CNTN5: variants seen among roughly 807,000 people sequenced by gnomAD.
CNTN5 encodes the protein contactin 5, also known as contactin-5.
Under a neutral mutation model 129.1 loss-of-function variants are expected in CNTN5, and 77 were observed. The observed-to-expected ratio is 0.60, with a 90% CI of 0.50 to 0.72. CNTN5 has a LOEUF of 0.72. Among genes scored for constraint, CNTN5 ranks in the 30% least tolerant of loss-of-function variants. The pLI is 0.00. For synonymous variants in CNTN5, 509 were observed against 465.6 expected, an observed-to-expected ratio of 1.09 and a Z score of -1.20; for missense variants, 1,478 against 1,328.8, an observed-to-expected ratio of 1.11 and a Z score of -1.75.
intron 1 of CNTN5, among the ~76,000 whole-genome samples, chr11:99,297,572 C>G (rs1738761367): frequency 6.6e-6 from 1 of 152,162 alleles, no homozygotes; most frequent in Non-Finnish European, 1.5e-5. Context: ...TTGGAACATT[C>G]CACTGTAAGT....
chr11:99,850,164 T>A (rs1013991890), intron 6 of CNTN5, among the ~76,000 whole-genome samples: 2 of 152,130 alleles, frequency 1.3e-5, no homozygotes, highest in Admixed American at 6.5e-5. Context: ...AGATCTGGAA[T>A]TTTGGGCTTA....
At chr11:99,822,407 A>T (rs1447154054) in intron 4 of CNTN5, among the ~76,000 whole-genome samples, 2 of 152,218 alleles carry the variant, frequency 1.3e-5, no homozygotes, top group Non-Finnish European at 2.9e-5. Flanking sequence ...GGAGAACTAA[A>T]ACTGTTAAAG....
chr11:99,364,302 C>T (rs888008091), intron 2 of CNTN5, among the ~76,000 whole-genome samples: 1 of 152,066 alleles, frequency 6.6e-6, no homozygotes, highest in Non-Finnish European at 1.5e-5. Context: ...TGCAATAATA[C>T]ATTCATATTT....
chr11:99,728,737 G>T (rs1943434437), intron 3 of CNTN5, among the ~76,000 whole-genome samples: 1 of 152,154 alleles, frequency 6.6e-6, no homozygotes, highest in African/African-American at 2.4e-5. Flanking sequence ...ATTGGAGTTG[G>T]CCTTGGATGT....
In CNTN5 at chr11:99,459,273, A is replaced by C. The variant is rs1944604113; in HGVS notation, c.-70-96872A>C. 1.3e-5 allele frequency among the ~76,000 whole-genome samples: 2 copies of C among 151,950 alleles called. 1 individual carries two copies. The highest frequency in any genetic ancestry group is 4.1e-4 in the South Asian group (2 of 4,826). On this transcript the variant is annotated intron_variant, in intron 2 of 24. Coordinates refer to ENST00000524871, the MANE Select transcript of CNTN5 (RefSeq NM_014361.4). ...AAGGACATAAAATTGCCCAACATGA[A>C]AATTAATAGTGGGGAGTGAGGAAAA...
chr11:99,908,053 C>T (rs954025875), intron 6 of CNTN5, among the ~76,000 whole-genome samples: 2 of 151,972 alleles, frequency 1.3e-5, no homozygotes, highest in African/African-American at 4.8e-5. Flanking sequence ...TTTTTAGCAT[C>T]TAGAGATGTA....
At chr11:99,398,562 T>C (rs1941643954) in intron 2 of CNTN5, among the ~76,000 whole-genome samples, 1 of 151,902 alleles carries the variant, frequency 6.6e-6, no homozygotes, top group South Asian at 2.1e-4. Flanking sequence ...CCATCCCTAT[T>C]TTTTGTTTAC....
chr11:99,903,288 T>G (rs535328847), intron 6 of CNTN5, among the ~76,000 whole-genome samples: 1 of 151,844 alleles, frequency 6.6e-6, no homozygotes, highest in Non-Finnish European at 1.5e-5. Context: ...GATTTTTACT[T>G]TGGTTATGGT....
intron 2 of CNTN5, among the ~76,000 whole-genome samples, chr11:99,401,258 A>G (rs986482268): frequency 6.6e-6 from 1 of 152,146 alleles, no homozygotes; most frequent in African/African-American, 2.4e-5. Context: ...AATTTTGTAT[A>G]TGGTCAGAGA....
rs770352934 is a variant in CNTN5 at position 99,201,377 on chromosome 11, T to TCCTTCCTTCCTTCCTTCCTTCCTTCCTC, written c.-209-123964_-209-123963insCTTCCTTCCTTCCTTCCTTCCTCCCTTC. 4.5e-3 allele frequency among the ~76,000 whole-genome samples: 640 copies of TCCTTCCTTCCTTCCTTCCTTCCTTCCTC among 141,570 alleles called. 13 individuals carry two copies. The highest frequency in any genetic ancestry group is 8.4e-3 in the South Asian group (36 of 4,282). The allele number at this position is 141,570 out of a possible 152,430, so 92.9% of individuals were successfully genotyped here. ...TTCCTTCCTTCCTTCCTTCCTTCCT[T>TCCTTCCTTCCTTCCTTCCTTCCTTCCTC]CCTTCTTTCCTTCCTTCCTTCCCTT... On this transcript the variant is annotated intron_variant, in intron 1 of 24. Coordinates refer to ENST00000524871, the MANE Select transcript of CNTN5 (RefSeq NM_014361.4).
intron 8 of CNTN5, among the ~76,000 whole-genome samples, chr11:99,963,657 A>G (rs1951013173): frequency 6.6e-6 from 1 of 152,146 alleles, no homozygotes; most frequent in Non-Finnish European, 1.5e-5. Context: ...TTTTGGTTCC[A>G]TATGAACTTT....
intron 3 of CNTN5, among the ~76,000 whole-genome samples, chr11:99,772,593 G>A (rs1401254547): frequency 6.6e-6 from 1 of 152,008 alleles, no homozygotes; most frequent in African/African-American, 2.4e-5. Flanking sequence ...TCTAATAAAG[G>A]ACAACTTTGA....
intron 1 of CNTN5, among the ~76,000 whole-genome samples, chr11:99,171,075 C>G (rs1389126225): frequency 6.7e-6 from 1 of 149,526 alleles, no homozygotes; most frequent in Non-Finnish European, 1.5e-5. Flanking sequence ...GTTTTTTTTT[C>G]TTACCTAACT....
chr11:99,792,553 G>GTA (rs1945784567), intron 3 of CNTN5, among the ~76,000 whole-genome samples: 1 of 107,106 alleles, frequency 9.3e-6, no homozygotes, highest in Non-Finnish European at 1.9e-5. Flanking sequence ...GTGTGTGTGT[G>GTA]TGTGTGTGTG....
At chr11:99,227,589 C>T (rs1458063895) in intron 1 of CNTN5, among the ~76,000 whole-genome samples, 1 of 152,088 alleles carries the variant, frequency 6.6e-6, no homozygotes, top group Non-Finnish European at 1.5e-5. Context: ...ATTTTATATA[C>T]TCTTTGTTTT....
At chr11:99,648,124 T>C (rs1251199025) in intron 3 of CNTN5, among the ~76,000 whole-genome samples, 1 of 151,964 alleles carries the variant, frequency 6.6e-6, no homozygotes. Flanking sequence ...CGAGTGATTT[T>C]ATCATGAAAG....
In CNTN5 at chr11:99,276,651, T is replaced by A. The variant is rs142620319; in HGVS notation, c.-209-48695T>A. Reference sequence around the variant, plus strand: ...CTGCTTAATAAATAATATCTATTAGTGTACCAATAGAAACAGGAATTGTAG... The same window carrying A: ...CTGCTTAATAAATAATATCTATTAGAGTACCAATAGAAACAGGAATTGTAG... On this transcript the variant is annotated intron_variant, in intron 1 of 24. Coordinates refer to ENST00000524871, the MANE Select transcript of CNTN5 (RefSeq NM_014361.4). 3.5e-3 allele frequency among the ~76,000 whole-genome samples: 538 copies of A among 151,632 alleles called. 2 individuals are homozygous for A. The highest frequency in any genetic ancestry group is 0.012 in the African/African-American group (518 of 41,474).
intron 4 of CNTN5, among the ~76,000 whole-genome samples, chr11:99,826,393 A>G (rs554045119): frequency 1.3e-5 from 2 of 152,280 alleles, no homozygotes; most frequent in South Asian, 2.1e-4. Context: ...GCAAGTCCAC[A>G]CCTTTCAATG....
intron 10 of CNTN5, among the ~76,000 whole-genome samples, chr11:100,065,740 G>C (rs1260592124): frequency 6.6e-6 from 1 of 152,006 alleles, no homozygotes; most frequent in Admixed American, 6.6e-5. Flanking sequence ...CATGAGATGA[G>C]AATGGCATCG....
Sources: gnomAD v4.1 joint callset for allele counts (sites outside exome capture counted in the v4.1 genomes callset) on GRCh38, gnomAD v4.1.1 for gene constraint, MANE v1.5 for transcripts, NCBI Gene and HGNC (gene_info 2026-07-23, HGNC 2026-07-21) for gene names.